The following PTPRN2 variants were observed in gnomAD, a reference collection of about 807,000 sequenced individuals.
The protein encoded by PTPRN2 is receptor-type tyrosine-protein phosphatase N2.
PTPRN2 carries 74 observed loss-of-function variants against 118.8 expected under a neutral mutation model. That is an observed-to-expected ratio of 0.62 (90% CI 0.52 to 0.76). The LOEUF is 0.76. Among genes scored for constraint, PTPRN2 ranks in the 30% least tolerant of loss-of-function variants. The pLI, the probability that PTPRN2 is intolerant of heterozygous loss-of-function variation, is 0.00. For missense variants in PTPRN2, 1,481 were observed against 1,394.4 expected, an observed-to-expected ratio of 1.06 and a Z score of -0.99; for synonymous variants, 641 against 608.0, an observed-to-expected ratio of 1.05 and a Z score of -0.80.
At chr7:157,908,109 C>T (rs576511038) in intron 11 of PTPRN2, among the ~76,000 whole-genome samples, 323 of 152,322 alleles carry the variant, frequency 2.1e-3, no homozygotes, top group Non-Finnish European at 3.7e-3. Context: ...TGGGACCGGC[C>T]GGCGTCTCCG....
intron 13 of PTPRN2, among the ~76,000 whole-genome samples, chr7:157,661,181 G>A (rs1357280439): frequency 2.6e-5 from 4 of 152,276 alleles, no homozygotes; most frequent in Admixed American, 2.0e-4. Flanking sequence ...GCGGGGACCC[G>A]CGGCTCTCAC....
chr7:158,550,769 C>A (rs1286246473), intron 1 of PTPRN2, among the ~76,000 whole-genome samples: 4 of 152,220 alleles, frequency 2.6e-5, no homozygotes, highest in African/African-American at 9.6e-5. Flanking sequence ...TGACTTCCTA[C>A]TAAGTGTAAT....
rs1215139329 is a variant in PTPRN2, at chr7:158,489,774, C to G, written c.124G>C (p.Glu42Gln). ...QLPGRLGCLL[E>Q]EGLCGASEAC... ...TCGGACGCTCCGCAGAGGCCCTCCTCGAGCAGGCAGCCTGCGGGGAAACAG... is the reference window on the plus strand; with the variant it reads ...TCGGACGCTCCGCAGAGGCCCTCCTGGAGCAGGCAGCCTGCGGGGAAACAG... Residue 42 changes from glutamate to glutamine, a missense_variant, in exon 2 of 23, where the codon GAG becomes CAG. Physicochemically the swap from Glu to Gln is conservative, Grantham distance 29. This residue lies in a region of PTPRN2 where 1,115 missense variants were observed against 994.2 expected (regional missense o/e 1.12). Coordinates refer to ENST00000389418, the MANE Select transcript of PTPRN2 (RefSeq NM_002847.5). 1.0e-5 allele frequency: 16 copies of G among 1,580,316 alleles called. No homozygotes were observed. Among genetic ancestry groups the G allele is most frequent in the Middle Eastern group, 3.6e-4 (2 of 5,554 alleles).
In PTPRN2 at chr7:158,583,003, T is replaced by C. The variant is rs1828712876; in HGVS notation, c.112+4555A>G. Among the ~76,000 whole-genome samples, 3 of 152,088 alleles carry C rather than the reference T, an allele frequency of 2.0e-5. No homozygotes were observed. The South Asian group carries it at 6.2e-4, about 32-fold the overall frequency. On this transcript the variant is annotated intron_variant, in intron 1 of 22. Coordinates refer to ENST00000389418, the MANE Select transcript of PTPRN2 (RefSeq NM_002847.5). ...GTCATGGCTCACCCGCAAAGCCAGT[T>C]GCATTGAGTGGAACTTTCTTAATGA...
intron 1 of PTPRN2, among the ~76,000 whole-genome samples, chr7:158,557,390 A>G (rs2878357): frequency 1.7e-4 from 24 of 140,120 alleles, no homozygotes; most frequent in Middle Eastern, 4.4e-3. Context: ...CAGTTTAGGC[A>G]GCTCCCGCGC....
chr7:157,595,647 GGAAGCCCGGAAGTTAGGGAGCCCA>G (rs1178003722), intron 16 of PTPRN2, among the ~76,000 whole-genome samples: 4 of 146,316 alleles, frequency 2.7e-5, no homozygotes, highest in Non-Finnish European at 3.0e-5. Flanking sequence ...CTGGTGGTTA[GGAAGCCCGGAAGTTAGGGAGCCCA>G]GAGGTTAGGG....
intron 3 of PTPRN2, among the ~76,000 whole-genome samples, chr7:158,257,389 C>T (rs1267046858): frequency 2.6e-5 from 4 of 152,172 alleles, no homozygotes; most frequent in Non-Finnish European, 4.4e-5. Context: ...TTCTCCTCAG[C>T]GTTACAATGA....
chr7:157,683,984 T>C (rs1168317959), intron 12 of PTPRN2, among the ~76,000 whole-genome samples: 1 of 152,162 alleles, frequency 6.6e-6, no homozygotes, highest in African/African-American at 2.4e-5. Flanking sequence ...CATGAATGCC[T>C]GGCCGGCCTA....
intron 12 of PTPRN2, among the ~76,000 whole-genome samples, chr7:157,816,313 G>A (rs897121423): frequency 6.6e-6 from 1 of 152,148 alleles, no homozygotes; most frequent in Non-Finnish European, 1.5e-5. Context: ...GGCCTGGGTC[G>A]GCCCCAGGGT....
chr7:157,552,357 C>T (rs946592684), intron 21 of PTPRN2, among the ~76,000 whole-genome samples: 4 of 152,192 alleles, frequency 2.6e-5, no homozygotes, highest in African/African-American at 4.8e-5. Context: ...GGGAAGTCAT[C>T]GTGCAAAGCG....
chr7:158,282,294 G>A lies in PTPRN2; in HGVS notation c.277+34525C>T, dbSNP rs117674753. Among the ~76,000 whole-genome samples the A allele has an allele frequency of 8.2e-4, 124 of 152,032 alleles. 1 individual carries two copies. Among genetic ancestry groups the A allele is most frequent in the Admixed American group, 2.4e-3 (36 of 15,264 alleles). On this transcript the variant is annotated intron_variant, in intron 3 of 22. Transcript: ENST00000389418. ...CTTTTCCGTCTGTCTTGGGAAAGTAGCTTATCAAAAGTAAGATGAAAAAAG... is the reference window on the plus strand; with the variant it reads ...CTTTTCCGTCTGTCTTGGGAAAGTAACTTATCAAAAGTAAGATGAAAAAAG...
chr7:157,606,670 G>A (rs1268516182), intron 15 of PTPRN2, among the ~76,000 whole-genome samples: 1 of 152,248 alleles, frequency 6.6e-6, no homozygotes, highest in East Asian at 1.9e-4. Flanking sequence ...CCTCCTGTGG[G>A]CGCTGGCACC....
rs192213390 is a variant in PTPRN2 at position 157,564,803 on chromosome 7, C to T, written c.2902+4099G>A. ...GATAAGAGAATTACGGTCGATGTGG[C>T]GATTCCGCCCCAGGGACATATCCAG... On this transcript the variant is annotated intron_variant, in intron 21 of 22. Transcript: ENST00000389418. 1.3e-4 allele frequency among the ~76,000 whole-genome samples: 20 copies of T among 152,364 alleles called. 1 individual carries two copies. The highest frequency in any genetic ancestry group is 8.5e-4 in the Admixed American group (13 of 15,310).
intron 11 of PTPRN2, among the ~76,000 whole-genome samples, chr7:157,981,352 TGAAACTGCTCAAACTCCTGCTATTCC>T (rs1803132622): frequency 1.3e-5 from 2 of 148,660 alleles, no homozygotes; most frequent in African/African-American, 2.6e-5. Context: ...CCAGGACAGG[TGAAACTGCTCAAACTCCTGCTATTCC>T]GGGACGGGTG....
intron 12 of PTPRN2, among the ~76,000 whole-genome samples, chr7:157,685,687 C>G (rs62475593): frequency 0.41 from 62,308 of 152,140 alleles, 14,033 homozygotes; most frequent in Non-Finnish European, 0.52. Flanking sequence ...GGAGCGGAAC[C>G]GGGCCTGCTT....
At chr7:158,162,713 T>C (rs570359270) in intron 6 of PTPRN2, among the ~76,000 whole-genome samples, 1 of 152,122 alleles carries the variant, frequency 6.6e-6, no homozygotes, top group East Asian at 1.9e-4. Context: ...GCTTTAAAGC[T>C]CTTTGAAAGG....
chr7:158,081,370 C>T lies in PTPRN2; in HGVS notation c.1651G>A (p.Gly551Arg), dbSNP rs370254131. 73 of 1,613,954 alleles carry T rather than the reference C, an allele frequency of 4.5e-5. No homozygotes were observed. The highest frequency in any genetic ancestry group is 5.3e-5 in the African/African-American group (4 of 74,916). ...SSAFADVEVL[G>R]PAVTFKVSAN... The stretch of plus-strand genomic sequence containing the variant: ...CTCACTTTGAAGGTCACTGCTGGTC[C>T]GAGAACCCTGGAAGGGATAATTTAA... Residue 551 changes from glycine to arginine, a missense_variant, in exon 11 of 23, where the codon GGA (glycine) becomes AGA (arginine). Transcript: ENST00000389418.
chr7:157,578,086 T>C lies in PTPRN2; in HGVS notation c.2551A>G (p.Asn851Asp), dbSNP rs781489615. 1 of 1,613,478 alleles carries C rather than the reference T, an allele frequency of 6.2e-7. No homozygotes were observed. The highest frequency in any genetic ancestry group is 2.2e-5 in the East Asian group (1 of 44,862). The change falls in exon 18 of 23, where the codon AAC becomes GAC. Residue 851 changes from asparagine to aspartate, a missense_variant. Coordinates refer to ENST00000389418, the MANE Select transcript of PTPRN2 (RefSeq NM_002847.5). ...VIVMLTPLAE[N>D]GVRQCYHYWP... Reference sequence around the variant, plus strand: ...TAGTGGTAGCACTGCCGGACGCCGTTCTCCGCGAGGGGTGTCAGCATGACG... The same window carrying C: ...TAGTGGTAGCACTGCCGGACGCCGTCCTCCGCGAGGGGTGTCAGCATGACG...
intron 12 of PTPRN2, among the ~76,000 whole-genome samples, chr7:157,762,445 G>C (rs1802190465): frequency 6.6e-6 from 1 of 151,918 alleles, no homozygotes; most frequent in African/African-American, 2.4e-5. Context: ...TCCTTTGTAG[G>C]GACATGGATG....
Sources: gnomAD v4.1 joint callset for allele counts (sites outside exome capture counted in the v4.1 genomes callset) on GRCh38, gnomAD v4.1.1 for gene constraint, gnomAD v4.1.1 regional missense constraint, MANE v1.5 for transcripts, NCBI Gene and HGNC (gene_info 2026-07-23, HGNC 2026-07-21) for gene names.